The following BICC1 variants were observed in gnomAD, a reference collection of about 807,000 sequenced individuals.
BICC1 encodes BicC family RNA binding protein 1.
BICC1 carries 43 observed loss-of-function variants against 111.0 expected under a neutral mutation model. The ratio of observed to expected loss-of-function variants is 0.39; its 90% CI spans 0.30 to 0.50. The LOEUF is 0.50. Ranked by LOEUF, BICC1 falls within the 20% of genes least tolerant of loss-of-function variation. The pLI is 0.88. For missense variants in BICC1, 1,091 were observed against 1,203.2 expected, an observed-to-expected ratio of 0.91 and a Z score of 1.38; for synonymous variants, 467 against 434.4, an observed-to-expected ratio of 1.07 and a Z score of -0.93.
At chr10:58,629,139 C>T (rs1475281445) in intron 2 of BICC1, among the ~76,000 whole-genome samples, 3 of 152,154 alleles carry the variant, frequency 2.0e-5, no homozygotes, top group African/African-American at 7.2e-5. Flanking sequence ...GGGTGACAGT[C>T]TAAGATGATG....
chr10:58,812,568 C>G (rs1843945618), intron 17 of BICC1, among the ~76,000 whole-genome samples: 1 of 151,668 alleles, frequency 6.6e-6, no homozygotes, highest in Non-Finnish European at 1.5e-5. Context: ...ACCTCCGCCT[C>G]CTGGGTTCAA....
At chr10:58,707,031 C>G (rs548975288) in intron 3 of BICC1, among the ~76,000 whole-genome samples, 27 of 152,052 alleles carry the variant, frequency 1.8e-4, no homozygotes, top group Non-Finnish European at 2.9e-4. Flanking sequence ...CTTAGGAAAC[C>G]CCAGGACTAG....
chr10:58,562,517 G>A (rs552451601), intron 1 of BICC1, among the ~76,000 whole-genome samples: 9 of 151,982 alleles, frequency 5.9e-5, no homozygotes, highest in African/African-American at 1.9e-4. Flanking sequence ...ATCATGAATT[G>A]TTTTTGTTTT....
At chr10:58,794,282 TAAAG>T (rs1843281005) in intron 9 of BICC1, among the ~76,000 whole-genome samples, 2 of 151,940 alleles carry the variant, frequency 1.3e-5, no homozygotes, top group South Asian at 2.1e-4. Flanking sequence ...GCTGGAGAGT[TAAAG>T]AAGAGGTGCC....
intron 1 of BICC1, among the ~76,000 whole-genome samples, chr10:58,524,289 A>C (rs1194507915): frequency 1.3e-5 from 2 of 152,200 alleles, no homozygotes; most frequent in African/African-American, 4.8e-5. Context: ...ACGCTACCTG[A>C]CTTCAAACTA....
At chr10:58,555,305 C>CTTTTTTT (rs1564485963) in intron 1 of BICC1, among the ~76,000 whole-genome samples, 1 of 93,828 alleles carries the variant, frequency 1.1e-5, no homozygotes, top group African/African-American at 4.4e-5. Context: ...GGCTGTTGGA[C>CTTTTTTT]ATTTTTTTTT....
chr10:58,765,194 G>GT (rs1273838004), intron 3 of BICC1, among the ~76,000 whole-genome samples: 2 of 152,050 alleles, frequency 1.3e-5, no homozygotes, highest in Non-Finnish European at 2.9e-5. Context: ...CAATTTTTGT[G>GT]CTTCGGCCTC....
rs541146808 is a variant in BICC1, at chr10:58,742,902, A to G, written c.307+40759A>G. On this transcript the variant is annotated intron_variant, in intron 3 of 20. Coordinates refer to ENST00000373886, the MANE Select transcript of BICC1 (RefSeq NM_001080512.3). ...AGGTTACTAGAGAACTAGCTATTAGATTCAGAGCCATTGCCCACACCTTAA... is the reference window on the plus strand; with the variant it reads ...AGGTTACTAGAGAACTAGCTATTAGGTTCAGAGCCATTGCCCACACCTTAA... 6.6e-5 allele frequency among the ~76,000 whole-genome samples: 10 copies of G among 152,312 alleles called. No individual in the cohort carries two copies. The South Asian group carries it at 1.7e-3, about 25-fold the overall frequency.
intron 1 of BICC1, among the ~76,000 whole-genome samples, chr10:58,613,598 T>C (rs139772811): frequency 3.9e-5 from 6 of 152,342 alleles, no homozygotes; most frequent in Non-Finnish European, 7.4e-5. Context: ...GGTCTCCATA[T>C]AAGTGCCCTT....
upstream of BICC1, among the ~76,000 whole-genome samples, chr10:58,512,523 G>T (rs566396554): frequency 1.3e-5 from 2 of 152,260 alleles, no homozygotes; most frequent in Admixed American, 6.5e-5. Context: ...GATTATGAGA[G>T]CATGTAGGGG....
At position 58,748,988 on chromosome 10, in the gene BICC1, G is replaced by T. The variant is rs140752955; in HGVS notation, c.308-36013G>T. Among the ~76,000 whole-genome samples the T allele has an allele frequency of 9.0e-3, 1,362 of 152,162 alleles. 11 individuals carry two copies. The highest frequency in any genetic ancestry group is 0.015 in the Non-Finnish European group (1,031 of 67,962). The stretch of plus-strand genomic sequence containing the variant: ...GCCTAGGAAGATTCCACTAAATAAT[G>T]GTTTGGTTAAGTTGTCTACTTAATA... On this transcript the variant is annotated intron_variant, in intron 3 of 20. Transcript: ENST00000373886.
intron 2 of BICC1, among the ~76,000 whole-genome samples, chr10:58,681,141 A>C (rs1041183747): frequency 2.6e-5 from 4 of 152,244 alleles, no homozygotes; most frequent in African/African-American, 7.2e-5. Context: ...AAACACCAAA[A>C]GCAATGGCAA....
At chr10:58,592,458 T>C (rs901417522) in intron 1 of BICC1, among the ~76,000 whole-genome samples, 1 of 152,054 alleles carries the variant, frequency 6.6e-6, no homozygotes, top group Non-Finnish European at 1.5e-5. Context: ...CAGACCTGTA[T>C]TCCCAGCACT....
Position 58,554,281 on chromosome 10 carries a change from G to A in BICC1, c.190+40948G>A, listed in dbSNP as rs1843380653. 2.0e-5 allele frequency among the ~76,000 whole-genome samples: 3 copies of A among 152,074 alleles called. No individual in the cohort carries two copies. In the South Asian group the frequency reaches 6.2e-4, roughly 31 times the overall value. ...ACAATTTAAGTGATGAGCTCTATTA[G>A]CTTATCTGTTTTATTGTCGAACCCT... is the stretch of plus-strand genomic sequence containing the variant. On this transcript the variant is annotated intron_variant, in intron 1 of 20. Transcript: ENST00000373886.
chr10:58,580,969 A>G (rs979940964), intron 1 of BICC1, among the ~76,000 whole-genome samples: 1 of 152,202 alleles, frequency 6.6e-6, no homozygotes. Flanking sequence ...AAAAGGTTTT[A>G]ATCAGGGAAG....
At chr10:58,693,524 T>G (rs1279118384) in intron 2 of BICC1, among the ~76,000 whole-genome samples, 1 of 152,218 alleles carries the variant, frequency 6.6e-6, no homozygotes, top group East Asian at 1.9e-4. Context: ...CAGCACCTGT[T>G]GTTTCCTGAC....
At chr10:58,567,553 G>GAT (rs930835397) in intron 1 of BICC1, among the ~76,000 whole-genome samples, 6 of 150,546 alleles carry the variant, frequency 4.0e-5, no homozygotes, top group African/African-American at 7.3e-5. Flanking sequence ...TCTTTTAGGG[G>GAT]ATATATATAT....
chr10:58,701,701 G>A (rs1840242398), intron 2 of BICC1, among the ~76,000 whole-genome samples: 1 of 152,130 alleles, frequency 6.6e-6, no homozygotes, highest in African/African-American at 2.4e-5. Flanking sequence ...TGTTTGGTGT[G>A]TTGCAATCCC....
intron 2 of BICC1, among the ~76,000 whole-genome samples, chr10:58,623,321 T>C (rs1160424328): frequency 4.6e-5 from 7 of 152,220 alleles, no homozygotes; most frequent in Non-Finnish European, 1.0e-4. Flanking sequence ...ATAATAAGAT[T>C]GTGAAACATA....
Sources: allele counts gnomAD v4.1 joint callset (sites outside exome capture counted in the v4.1 genomes callset), GRCh38; gene constraint gnomAD v4.1.1; transcripts MANE v1.5; gene names NCBI Gene and HGNC (gene_info 2026-07-23, HGNC 2026-07-21).